NEU3: variants seen among roughly 807,000 people sequenced by gnomAD.
NEU3 encodes the protein neuraminidase 3.
NEU3 carries 10 observed loss-of-function variants against 11.4 expected under a neutral mutation model. The observed-to-expected ratio is 0.88, with a 90% CI of 0.54 to 1.49. The LOEUF is 1.49. Among genes scored for constraint, NEU3 ranks in the 40% most tolerant of loss-of-function variants. The probability of loss-of-function intolerance (pLI) is 0.00; values close to 1 mark genes in which losing one functional copy is unlikely to be tolerated. For synonymous variants in NEU3, 212 were observed against 228.2 expected (o/e 0.93, Z 0.64); for missense variants, 529 against 581.8 (o/e 0.91, Z 0.93).
intron 1 of NEU3, among the ~76,000 whole-genome samples, chr11:74,991,784 C>G (rs1182788510): frequency 6.6e-6 from 1 of 152,172 alleles, no homozygotes; most frequent in African/African-American, 2.4e-5. Context: ...TCCTTTTAAC[C>G]CTCAGTTGGC....
Position 75,006,303 on chromosome 11 carries a change from G to A in NEU3, c.1197G>A (p.Gly399=). 1.2e-6 allele frequency: 2 copies of A among 1,614,000 alleles called. No homozygotes were observed. The highest frequency in any genetic ancestry group is 2.2e-5 in the South Asian group (2 of 91,088). The change falls in exon 3 of 3, where the codon GGG becomes GGA. Residue 399 remains glycine (G), a synonymous_variant. Transcript: ENST00000294064. ...CCCGCCCCTGGATCTTGCACTGTGGGCCCTGTGGCTACTCTGATCTGGCTG... is the reference window on the plus strand; with the variant it reads ...CCCGCCCCTGGATCTTGCACTGTGGACCCTGTGGCTACTCTGATCTGGCTG... ...CWSRPWILHC[G]PCGYSDLAAL... is the part of the protein sequence containing the mutation.
chr11:75,006,508 A>G lies in NEU3; in HGVS notation c.*16A>G, dbSNP rs534977688. 2.5e-6 allele frequency: 4 copies of G among 1,586,470 alleles called. No homozygotes were observed. Among genetic ancestry groups the G allele is most frequent in the East Asian group, 2.2e-5 (1 of 44,636 alleles). ...AAGCAATTAATTGGCTTAGGACCCAATTTCCATAGATGCAAATGGCAGTTA... is the reference window on the plus strand; with the variant it reads ...AAGCAATTAATTGGCTTAGGACCCAGTTTCCATAGATGCAAATGGCAGTTA... On this transcript the variant is annotated 3_prime_UTR_variant, in exon 3 of 3. Transcript: ENST00000294064.
Position 75,006,497 on chromosome 11 carries a change from C to G in NEU3, c.*5C>G, listed in dbSNP as rs11236284. 6.3e-7 allele frequency: 1 copy of G among 1,596,934 alleles called. No homozygotes were observed. Among genetic ancestry groups the G allele is most frequent in the Non-Finnish European group, 8.5e-7 (1 of 1,170,716 alleles). On this transcript the variant is annotated 3_prime_UTR_variant, in exon 3 of 3. Coordinates refer to ENST00000294064, the MANE Select transcript of NEU3 (RefSeq NM_006656.6). ...AGCCAATTCAAAAGCAATTAATTGG[C>G]TTAGGACCCAATTTCCATAGATGCA...
upstream of NEU3, among the ~76,000 whole-genome samples, chr11:74,986,633 T>C (rs1017884712): frequency 3.9e-5 from 6 of 152,340 alleles, no homozygotes; most frequent in African/African-American, 1.2e-4. Context: ...TCCCTGCATA[T>C]AGTCTCCTTT....
intron 1 of NEU3, among the ~76,000 whole-genome samples, chr11:74,991,537 A>C (rs1948732395): frequency 6.6e-6 from 1 of 152,192 alleles, no homozygotes; most frequent in Non-Finnish European, 1.5e-5. Flanking sequence ...TTGGTCTAAA[A>C]TCATCATGCC....
At chr11:75,017,737 T>C (rs531208857) in intron 3 of NEU3, among the ~76,000 whole-genome samples, 1 of 152,210 alleles carries the variant, frequency 6.6e-6, no homozygotes. Context: ...CTCAGGGCTA[T>C]GGGGGGATGC....
chr11:74,990,167 T>G, intron 1 of NEU3: 1 of 616,142 alleles, frequency 1.6e-6, no homozygotes, highest in Non-Finnish European at 2.9e-6. Context: ...TATAAAACAC[T>G]TTTGAGTGGT....
At chr11:74,981,998 C>T in the NEU3 span, among the ~76,000 whole-genome samples, 2 of 152,016 alleles carry the variant, frequency 1.3e-5, no homozygotes, top group South Asian at 4.1e-4. Flanking sequence ...AGTCTCTAGG[C>T]AGGAGGCAGA....
At chr11:74,988,780 G>A (rs1948694759), upstream of NEU3, 1 of 481,430 alleles carries the variant, frequency 2.1e-6, no homozygotes, top group Non-Finnish European at 3.7e-6. Context: ...CCGGTCCCAC[G>A]CCGTGGTGGG....
chr11:75,013,799 T>G (rs1489709943), downstream of NEU3, among the ~76,000 whole-genome samples: 4 of 152,188 alleles, frequency 2.6e-5, no homozygotes, highest in Non-Finnish European at 5.9e-5. Context: ...TTAGGAAAGC[T>G]GAGATTCAGC....
chr11:74,995,449 C>G (rs1948780188), intron 2 of NEU3, among the ~76,000 whole-genome samples: 1 of 152,140 alleles, frequency 6.6e-6, no homozygotes, highest in African/African-American at 2.4e-5. Flanking sequence ...GCTCTTTGGC[C>G]TGGAAGCTAC....
downstream of NEU3, among the ~76,000 whole-genome samples, chr11:75,012,124 G>A (rs1948959549): frequency 1.3e-5 from 2 of 152,172 alleles, no homozygotes; most frequent in South Asian, 4.1e-4. Context: ...CCGTCTGCAT[G>A]CATTTACAGC....
chr11:75,003,420 C>T (rs1038559361), intron 2 of NEU3, among the ~76,000 whole-genome samples: 5 of 152,142 alleles, frequency 3.3e-5, no homozygotes, highest in Non-Finnish European at 5.9e-5. Context: ...CTGGTGCTTT[C>T]AGATATTTTG....
At chr11:74,990,310 G>A (rs987308015) in intron 1 of NEU3, 10 of 382,540 alleles carry the variant, frequency 2.6e-5, no homozygotes, top group African/African-American at 1.5e-4. Flanking sequence ...TCCAGCCCAT[G>A]TGACAAGTTG....
chr11:74,989,629 A>C (rs1387014184), intron 1 of NEU3, among the ~76,000 whole-genome samples: 1 of 152,192 alleles, frequency 6.6e-6, no homozygotes, highest in African/African-American at 2.4e-5. Context: ...AGGAGTGAAT[A>C]AATGAGATAG....
At chr11:74,998,647 A>G (rs146655756) in intron 2 of NEU3, among the ~76,000 whole-genome samples, 11 of 152,318 alleles carry the variant, frequency 7.2e-5, no homozygotes, top group Non-Finnish European at 1.2e-4. Context: ...TTCTGCTGTT[A>G]AAGTACACAG....
chr11:74,988,849 G>A, upstream of NEU3: 1 of 554,038 alleles, frequency 1.8e-6, no homozygotes, highest in Non-Finnish European at 3.2e-6. Flanking sequence ...GGGAGGGCTC[G>A]CGGAGTAGGC....
At chr11:74,992,820 C>T (rs979539428) in intron 1 of NEU3, among the ~76,000 whole-genome samples, 6 of 152,032 alleles carry the variant, frequency 3.9e-5, no homozygotes, top group African/African-American at 9.7e-5. Flanking sequence ...ATTAGCTGGG[C>T]GTGCTGGCGG....
Position 74,994,600 on chromosome 11 carries a change from G to A in NEU3, c.186G>A (p.Leu62=), listed in dbSNP as rs370210415. 29 of 1,613,862 alleles carry A rather than the reference G, an allele frequency of 1.8e-5. No homozygotes were observed. The highest frequency in any genetic ancestry group is 2.4e-5 in the Non-Finnish European group (28 of 1,179,890). Residue 62 remains leucine, a synonymous_variant, in exon 2 of 3, where the codon CTG becomes CTA. Coordinates refer to ENST00000294064, the MANE Select transcript of NEU3 (RefSeq NM_006656.6). ...GGATTACCTACCGGATCCCAGCCCT[G>A]CTCTACATACCCCCCACCCACACCT... is the stretch of plus-strand genomic sequence containing the variant. ...DRGITYRIPA[L]LYIPPTHTFL... is the part of the protein sequence containing the mutation.
Sources: gnomAD v4.1 joint callset for allele counts (sites outside exome capture counted in the v4.1 genomes callset) on GRCh38, gnomAD v4.1.1 for gene constraint, MANE v1.5 for transcripts, NCBI Gene and HGNC (gene_info 2026-07-23, HGNC 2026-07-21) for gene names.